Variants in BTD observed in about 807,000 individuals in gnomAD.
The protein encoded by BTD is biotinidase, also known as biocytinase.
BTD carries 13 observed loss-of-function variants against 17.7 expected under a neutral mutation model. The ratio of observed to expected loss-of-function variants is 0.74; its 90% confidence interval spans 0.48 to 1.17. The LOEUF is 1.17. Ranked by LOEUF, BTD falls within the 50% of genes most tolerant of loss-of-function variation. BTD has a pLI of 0.00. For synonymous variants in BTD, 240 were observed against 245.2 expected (o/e 0.98, Z 0.20); for missense variants, 674 against 650.4 (o/e 1.04, Z -0.39).
At chr3:15,642,160 A>T in intron 3 of BTD, 103 bp downstream of exon 3, 1 of 1,544,750 alleles carries the variant, frequency 6.5e-7, no homozygotes, top group Non-Finnish European at 8.7e-7. Flanking sequence ...AGGAGACCTT[A>T]ACATCCCCAA....
At chr3:15,632,011 G>GC (rs1559590379) in intron 1 of BTD, among the ~76,000 whole-genome samples, 1 of 152,070 alleles carries the variant, frequency 6.6e-6, no homozygotes. Context: ...CTTGGCTCCA[G>GC]CCCCCTGCTG....
At chr3:15,642,955 G>A (rs1294448517) in intron 3 of BTD, among the ~76,000 whole-genome samples, 2 of 150,606 alleles carry the variant, frequency 1.3e-5, no homozygotes, top group African/African-American at 4.9e-5. Flanking sequence ...TTGAACCTGG[G>A]AGGCAGGAGT....
intron 3 of BTD, among the ~76,000 whole-genome samples, chr3:15,659,299 A>G (rs1038518218): frequency 1.3e-5 from 2 of 150,260 alleles, no homozygotes; most frequent in Admixed American, 1.3e-4. Flanking sequence ...TCCATGACTG[A>G]GTGTGGGGGG....
chr3:15,681,657 A>G (rs1480848532), intron 3 of BTD, among the ~76,000 whole-genome samples: 1 of 152,160 alleles, frequency 6.6e-6, no homozygotes, highest in Non-Finnish European at 1.5e-5. Flanking sequence ...ACTTTACCCT[A>G]TAATTGTGGA....
chr3:15,653,708 T>C lies in BTD; in HGVS notation c.*8220T>C, dbSNP rs1575038017. 6.6e-6 allele frequency among the ~76,000 whole-genome samples: 1 copy of C among 152,258 alleles called. No individual in the cohort carries two copies. The highest frequency in any genetic ancestry group is 1.5e-5 in the Non-Finnish European group (1 of 68,046). On this transcript the variant is annotated 3_prime_UTR_variant, in exon 4 of 4. Transcript: ENST00000643237. ...TGATAATTAAAGAAAGATGTAATTA[T>C]GTATAATGTGATTTGTAAGATAAGG...
At chr3:15,695,451 G>A (rs1280272682) in intron 3 of BTD, among the ~76,000 whole-genome samples, 1 of 152,080 alleles carries the variant, frequency 6.6e-6, no homozygotes, top group East Asian at 1.9e-4. Flanking sequence ...TTTTGTAGCA[G>A]GGCTCTAAGT....
chr3:15,651,260 G>A lies in BTD; in HGVS notation c.*5772G>A, dbSNP rs1219568739. Among the ~76,000 whole-genome samples the A allele has an allele frequency of 6.6e-6, 1 of 152,200 alleles. No homozygotes were observed. Among genetic ancestry groups the A allele is most frequent in the Non-Finnish European group, 1.5e-5 (1 of 68,036 alleles). On this transcript the variant is annotated 3_prime_UTR_variant, in exon 4 of 4. Transcript: ENST00000643237. Reference sequence around the variant, plus strand: ...GGCCAAAACAGTAAATGTCCACGAGGCTTTTTTCCTCTGAGCAGAAATTTC... The same window carrying A: ...GGCCAAAACAGTAAATGTCCACGAGACTTTTTTCCTCTGAGCAGAAATTTC...
chr3:15,637,919 C>T (rs1228947263), intron 2 of BTD, among the ~76,000 whole-genome samples: 3 of 152,214 alleles, frequency 2.0e-5, no homozygotes, highest in East Asian at 1.9e-4. Flanking sequence ...AGCATCACTC[C>T]GTCTCTATTT....
chr3:15,601,865 T>C lies in BTD; in HGVS notation c.-46T>C, dbSNP rs374044613. On this transcript the variant is annotated 5_prime_UTR_variant, in exon 1 of 4. Coordinates refer to ENST00000643237, the MANE Select transcript of BTD (RefSeq NM_001370658.1). ...GTAAAGGGAGAATGGCGCATGCGCA[T>C]ATTCAGGGCGGAAGGCGCGCTAAGA... The C allele has an allele frequency of 4.3e-5, 69 of 1,614,008 alleles. No homozygotes were observed. Among genetic ancestry groups the C allele is most frequent in the Non-Finnish European group, 5.5e-5 (65 of 1,180,030 alleles).
intron 3 of BTD, among the ~76,000 whole-genome samples, chr3:15,658,824 C>T (rs1411391120): frequency 6.6e-6 from 1 of 152,176 alleles, no homozygotes; most frequent in Non-Finnish European, 1.5e-5. Flanking sequence ...TGGGAATCAA[C>T]TCATCTCATT....
intron 1 of BTD, among the ~76,000 whole-genome samples, chr3:15,631,887 G>A (rs1038728404): frequency 6.6e-6 from 1 of 152,222 alleles, no homozygotes; most frequent in African/African-American, 2.4e-5. Flanking sequence ...GCTCTTATGA[G>A]TCCAGAATGG....
intron 3 of BTD, chr3:15,668,573 T>A (rs966237910): frequency 2.0e-5 from 3 of 152,574 alleles, no homozygotes; most frequent in African/African-American, 7.2e-5. Flanking sequence ...GATTTGTAGA[T>A]AATATGCACA....
chr3:15,605,104 T>C (rs1166959889), intron 1 of BTD, among the ~76,000 whole-genome samples: 1 of 152,240 alleles, frequency 6.6e-6, no homozygotes, highest in African/African-American at 2.4e-5. Context: ...CCCCACTCTC[T>C]GCATTACCAA....
chr3:15,603,754 C>A (rs1466664857), intron 1 of BTD, among the ~76,000 whole-genome samples: 1 of 152,210 alleles, frequency 6.6e-6, no homozygotes, highest in Admixed American at 6.5e-5. Context: ...TAAATATACC[C>A]GTTCCAAATG....
intron 3 of BTD, among the ~76,000 whole-genome samples, chr3:15,644,061 C>T (rs982298069): frequency 2.0e-4 from 31 of 151,504 alleles, no homozygotes; most frequent in Non-Finnish European, 4.0e-4. Context: ...AGTGCAGTGG[C>T]GCGATCTCGG....
intron 2 of BTD, among the ~76,000 whole-genome samples, chr3:15,639,271 A>G (rs187224130): frequency 7.2e-6 from 1 of 138,428 alleles, no homozygotes; most frequent in Non-Finnish European, 1.5e-5. Context: ...CATAATTTAA[A>G]TGTTATTCTC....
intron 1 of BTD, chr3:15,629,965 A>G (rs1575004959): frequency 1.3e-6 from 1 of 794,792 alleles, no homozygotes; most frequent in Non-Finnish European, 1.5e-6. Context: ...TGCATGTAAA[A>G]TGCAATGTGG....
rs138400349 is a variant in BTD at position 15,652,840 on chromosome 3, T to C, written c.*7352T>C. Among the ~76,000 whole-genome samples, 412 of 152,262 alleles carry C rather than the reference T, an allele frequency of 2.7e-3. 1 individual carries two copies. The highest frequency in any genetic ancestry group is 9.6e-3 in the African/African-American group (398 of 41,554). On this transcript the variant is annotated 3_prime_UTR_variant, in exon 4 of 4. Coordinates refer to ENST00000643237, the MANE Select transcript of BTD (RefSeq NM_001370658.1). ...CTATTAGTGGCTATTATTTGTTGGGTTACACAAAGCCAGAAATCATCTACA... is the reference window on the plus strand; with the variant it reads ...CTATTAGTGGCTATTATTTGTTGGGCTACACAAAGCCAGAAATCATCTACA...
chr3:15,714,524 A>T (rs1252572562), downstream of BTD: 8 of 1,250,540 alleles, frequency 6.4e-6, no homozygotes, highest in Non-Finnish European at 8.7e-6. Flanking sequence ...TGTTTTTACT[A>T]CATTTAAGAA....
Sources: gnomAD v4.1 joint callset for allele counts (sites outside exome capture counted in the v4.1 genomes callset) on GRCh38, gnomAD v4.1.1 for gene constraint, MANE v1.5 for transcripts, NCBI Gene and HGNC (gene_info 2026-07-23, HGNC 2026-07-21) for gene names.